TRAM2: variants seen among roughly 807,000 people sequenced by gnomAD.
The protein encoded by TRAM2 is translocation associated membrane protein 2, also known as translocating chain-associated membrane protein 2.
A neutral mutation model predicts 51.0 loss-of-function variants in TRAM2; 12 were observed. The ratio of observed to expected loss-of-function variants is 0.24; its 90% CI spans 0.15 to 0.38. The LOEUF (loss-of-function observed/expected upper bound fraction) is 0.38. Ranked by LOEUF, TRAM2 falls within the 10% of genes least tolerant of loss-of-function variation. The pLI is 1.00. For missense variants in TRAM2, 361 were observed against 462.0 expected, an observed-to-expected ratio of 0.78 and a Z score of 2.00; for synonymous variants, 175 against 179.4, an observed-to-expected ratio of 0.98 and a Z score of 0.20.
intron 10 of TRAM2, among the ~76,000 whole-genome samples, chr6:52,504,098 A>G (rs1332331850): frequency 6.6e-6 from 1 of 152,154 alleles, no homozygotes; most frequent in East Asian, 1.9e-4. Context: ...GGGCCAAAGG[A>G]TAAGTGTCCC....
At chr6:52,571,456 C>T (rs548654127) in intron 1 of TRAM2, among the ~76,000 whole-genome samples, 2 of 152,290 alleles carry the variant, frequency 1.3e-5, no homozygotes, top group South Asian at 2.1e-4. Flanking sequence ...CCTCGAGAAA[C>T]GAGTGACTGA....
At position 52,563,900 on chromosome 6, in the gene TRAM2, C is replaced by CAA. The variant is rs11405486; in HGVS notation, c.120+12894_120+12895dup. The stretch of plus-strand genomic sequence containing the variant: ...ATGTATCTCCTAATGGTACCTATTC[C>CAA]AAAAAAAAAAAATTTAAGCTTTAAA... On this transcript the variant is annotated intron_variant, in intron 1 of 10. Coordinates refer to ENST00000182527, the MANE Select transcript of TRAM2 (RefSeq NM_012288.4). 3.0e-3 allele frequency among the ~76,000 whole-genome samples: 430 copies of CAA among 142,804 alleles called. 4 individuals carry two copies. The highest frequency in any genetic ancestry group is 7.2e-3 in the Middle Eastern group (2 of 276). 93.7% of individuals were successfully genotyped at this position (142,804 alleles called of 152,430 possible). A position where few individuals can be genotyped will look rare whatever the true frequency, so the allele number is the denominator to read the frequency against.
At chr6:52,521,919 G>C (rs1766684096) in intron 2 of TRAM2, among the ~76,000 whole-genome samples, 1 of 152,074 alleles carries the variant, frequency 6.6e-6, no homozygotes, top group South Asian at 2.1e-4. Flanking sequence ...TGGCCTATGA[G>C]GCCAGAGAGG....
intron 1 of TRAM2, among the ~76,000 whole-genome samples, chr6:52,575,129 C>A (rs968899681): frequency 6.6e-6 from 1 of 152,222 alleles, no homozygotes; most frequent in Non-Finnish European, 1.5e-5. Flanking sequence ...GGGCTCCAGG[C>A]GCAAGAGACT....
rs1420297702 is a variant in TRAM2, at chr6:52,559,451, AAC to A, written c.120+17343_120+17344del. On this transcript the variant is annotated intron_variant, in intron 1 of 10. Coordinates refer to ENST00000182527, the MANE Select transcript of TRAM2 (RefSeq NM_012288.4). ...AATTGTGGCTCTGGCATTGATGAGCAACGAGAGTCCTTAGTCTTTCTAAACTT... is the reference window on the plus strand; with the variant it reads ...AATTGTGGCTCTGGCATTGATGAGCAGAGAGTCCTTAGTCTTTCTAAACTT... 2.6e-5 allele frequency among the ~76,000 whole-genome samples: 4 copies of A among 152,348 alleles called. No individual in the cohort carries two copies. The East Asian group carries it at 7.7e-4, about 29-fold the overall frequency.
chr6:52,550,363 G>C (rs1236496319), intron 1 of TRAM2, among the ~76,000 whole-genome samples: 1 of 152,054 alleles, frequency 6.6e-6, no homozygotes, highest in African/African-American at 2.4e-5. Context: ...TTCCTTATCT[G>C]TTTCCCCTGA....
In TRAM2 at chr6:52,501,114, A is replaced by G. The variant is rs1766212582; in HGVS notation, c.*2083T>C. On this transcript the variant is annotated 3_prime_UTR_variant, in exon 11 of 11. Transcript: ENST00000182527. ...ATCCCATATCAGGTCTGCTGTGTTG[A>G]AACCAAACTGCCCTTTTACCAACGT... 6.6e-6 allele frequency: 1 copy of G among 152,218 alleles called. No individual in the cohort carries two copies. The highest frequency in any genetic ancestry group is 1.5e-5 in the Non-Finnish European group (1 of 68,044). 9.4% of individuals were successfully genotyped at this position (152,218 alleles called of 1,614,324 possible).
intron 1 of TRAM2, among the ~76,000 whole-genome samples, chr6:52,538,939 T>C (rs922954494): frequency 6.6e-5 from 10 of 152,240 alleles, no homozygotes; most frequent in Non-Finnish European, 1.3e-4. Flanking sequence ...TCTGGTCCCA[T>C]TTTTGTCAAC....
chr6:52,573,569 C>T (rs185145287), intron 1 of TRAM2, among the ~76,000 whole-genome samples: 29 of 152,298 alleles, frequency 1.9e-4, no homozygotes, highest in South Asian at 4.2e-4. Flanking sequence ...AAGCTGCCCC[C>T]TGCCTTCGAA....
intron 1 of TRAM2, among the ~76,000 whole-genome samples, chr6:52,569,345 G>A (rs968363106): frequency 6.8e-6 from 1 of 146,924 alleles, no homozygotes; most frequent in African/African-American, 2.5e-5. Context: ...AGCCAAGATT[G>A]CACCACTGTA....
At chr6:52,535,883 T>G in intron 1 of TRAM2, 37 bp from the exon 2 acceptor site, 1 of 1,590,338 alleles carries the variant, frequency 6.3e-7, no homozygotes, top group East Asian at 2.2e-5. Context: ...GTTTAGCTTT[T>G]GGCCACATCA....
intron 2 of TRAM2, among the ~76,000 whole-genome samples, chr6:52,534,110 G>A (rs528980168): frequency 2.3e-4 from 33 of 143,846 alleles, no homozygotes; most frequent in Admixed American, 4.2e-4. Context: ...GGCTGGGCAC[G>A]GTGGCTCACG....
chr6:52,577,006 C>G lies in TRAM2; in HGVS notation c.-91G>C. ...TCCAGCACCGGCCCGGTCCGCCCGC[C>G]GGCCCGCCGCCCGCTCTCCCACAGC... On this transcript the variant is annotated 5_prime_UTR_variant, in exon 1 of 11. Coordinates refer to ENST00000182527, the MANE Select transcript of TRAM2 (RefSeq NM_012288.4). 3 of 1,306,822 alleles carry G rather than the reference C, an allele frequency of 2.3e-6. No homozygotes were observed. The highest frequency in any genetic ancestry group is 2.9e-6 in the Non-Finnish European group (3 of 1,030,320). 81.0% of individuals were successfully genotyped at this position (1,306,822 alleles called of 1,614,324 possible).
chr6:52,573,441 G>C (rs1012853227), intron 1 of TRAM2, among the ~76,000 whole-genome samples: 1 of 152,158 alleles, frequency 6.6e-6, no homozygotes. Flanking sequence ...AGGAAGGAGG[G>C]GGAAAATAAA....
intron 1 of TRAM2, among the ~76,000 whole-genome samples, chr6:52,550,178 C>G (rs1007203025): frequency 6.6e-6 from 1 of 152,180 alleles, no homozygotes. Flanking sequence ...TCCTGCTGGA[C>G]AGTTCTGGCA....
chr6:52,517,391 T>C (rs1372864631), intron 2 of TRAM2: 2 of 152,262 alleles, frequency 1.3e-5, no homozygotes, highest in Non-Finnish European at 2.9e-5. Flanking sequence ...TATATGCACT[T>C]GCTATTATTT....
chr6:52,548,834 T>C (rs1233093728), intron 1 of TRAM2, among the ~76,000 whole-genome samples: 1 of 152,234 alleles, frequency 6.6e-6, no homozygotes, highest in African/African-American at 2.4e-5. Flanking sequence ...CTTTGCTTTC[T>C]CCAGGGCAAA....
chr6:52,559,875 C>T (rs969478428), intron 1 of TRAM2, among the ~76,000 whole-genome samples: 1 of 151,594 alleles, frequency 6.6e-6, no homozygotes, highest in Non-Finnish European at 1.5e-5. Flanking sequence ...TTTTTTTTTC[C>T]CCCAAAACAG....
intron 2 of TRAM2, among the ~76,000 whole-genome samples, chr6:52,522,339 G>A (rs1766692971): frequency 6.6e-6 from 1 of 152,274 alleles, no homozygotes; most frequent in Non-Finnish European, 1.5e-5. Flanking sequence ...TGTGGCTGCA[G>A]GAGAGGCGCA....
Sources: gnomAD v4.1 joint callset for allele counts (sites outside exome capture counted in the v4.1 genomes callset) on GRCh38, gnomAD v4.1.1 for gene constraint, MANE v1.5 for transcripts, NCBI Gene and HGNC (gene_info 2026-07-23, HGNC 2026-07-21) for gene names.